Variants in CDK5RAP1 observed in about 807,000 individuals in gnomAD.
CDK5RAP1 encodes CDK5RAP1 mitochondrial tRNA methylthiotransferase, also known as mitochondrial tRNA methylthiotransferase CDK5RAP1.
A neutral mutation model predicts 64.5 loss-of-function variants in CDK5RAP1; 62 were observed. The ratio of observed to expected loss-of-function variants is 0.96; its 90% CI spans 0.78 to 1.19. CDK5RAP1 has a LOEUF of 1.19. CDK5RAP1 is among the 50% of genes most tolerant of loss of function. CDK5RAP1 has a pLI of 0.00. For missense variants in CDK5RAP1, 657 were observed against 735.0 expected (o/e 0.89, Z 1.23); for synonymous variants, 250 against 261.9 (o/e 0.95, Z 0.44).
At chr20:33,376,461 A>C (rs1986007198) in intron 8 of CDK5RAP1, among the ~76,000 whole-genome samples, 1 of 152,226 alleles carries the variant, frequency 6.6e-6, no homozygotes, top group African/African-American at 2.4e-5. Context: ...ATGAGCCACC[A>C]CTGAATATTT....
Position 33,366,566 on chromosome 20 carries a change from T to A in CDK5RAP1, c.1542+293A>T, listed in dbSNP as rs150411218. Among the ~76,000 whole-genome samples the A allele has an allele frequency of 6.1e-4, 92 of 152,006 alleles. 1 individual carries two copies. The highest frequency in any genetic ancestry group is 1.1e-3 in the Non-Finnish European group (77 of 67,956). ...AGCAGAGGTTGCAGTGGGCCGAGAC[T>A]GTGCCACTGCACTCCAGCCTGGTCA... On this transcript the variant is annotated intron_variant, in intron 12 of 13. Coordinates refer to ENST00000346416, the MANE Select transcript of CDK5RAP1 (RefSeq NM_016408.4).
chr20:33,379,489 G>A lies in CDK5RAP1; in HGVS notation c.1079C>T (p.Ser360Phe), dbSNP rs757218739. 1.2e-6 allele frequency: 2 copies of A among 1,613,604 alleles called. No homozygotes were observed. The highest frequency in any genetic ancestry group is 3.3e-5 in the Admixed American group (2 of 60,016). Reference protein sequence around the residue: ...VDPEMRIRFTSPHPKDFPDEV... With the variant: ...VDPEMRIRFTFPHPKDFPDEV... ...ATCAGGAAAATCCTTGGGGTGGGGAGAGGTAAAACGGATCCTCATTTCAGG... is the reference window on the plus strand; with the variant it reads ...ATCAGGAAAATCCTTGGGGTGGGGAAAGGTAAAACGGATCCTCATTTCAGG... The change falls in exon 8 of 14, where the codon TCT (serine) becomes TTT (phenylalanine). Residue 360 changes from serine to phenylalanine, a missense_variant. Physicochemically the swap from Ser to Phe is radical, Grantham distance 155. Coordinates refer to ENST00000346416, the MANE Select transcript of CDK5RAP1 (RefSeq NM_016408.4).
At chr20:33,373,745 A>T (rs895869379) in intron 9 of CDK5RAP1, 4 of 190,572 alleles carry the variant, frequency 2.1e-5, no homozygotes, top group Admixed American at 1.2e-4. Flanking sequence ...GTGCTTAATT[A>T]AAAAAAAACA....
intron 5 of CDK5RAP1, among the ~76,000 whole-genome samples, chr20:33,389,249 T>C (rs1319607316): frequency 6.9e-6 from 1 of 144,426 alleles, no homozygotes; most frequent in African/African-American, 2.6e-5. Context: ...CCCTCTGGGA[T>C]GTGAGGAGCG....
At chr20:33,385,490 G>C (rs1321225250) in intron 7 of CDK5RAP1, 160 bp downstream of exon 7, 2 of 710,886 alleles carry the variant, frequency 2.8e-6, no homozygotes. Flanking sequence ...TCTGTAATTT[G>C]TGGGCAATAA....
chr20:33,362,004 TCTCTGTGAC>T (rs1336028659), intron 12 of CDK5RAP1, among the ~76,000 whole-genome samples: 4 of 140,752 alleles, frequency 2.8e-5, no homozygotes, highest in Non-Finnish European at 6.2e-5. Flanking sequence ...GAGGGAACAA[TCTCTGTGAC>T]CTCTGGGACA....
At chr20:33,374,066 A>T in intron 9 of CDK5RAP1, 49 bp downstream of exon 9, 1 of 1,269,114 alleles carries the variant, frequency 7.9e-7, no homozygotes, top group Non-Finnish European at 1.2e-6. Flanking sequence ...TTTGGTCATT[A>T]AGGAAACATG....
chr20:33,374,405 C>T (rs747277559), intron 8 of CDK5RAP1, among the ~76,000 whole-genome samples, 193 bp from the exon 9 acceptor site: 5 of 152,118 alleles, frequency 3.3e-5, no homozygotes, highest in Admixed American at 6.5e-5. Flanking sequence ...GACACTTCAC[C>T]TGATGGCATC....
chr20:33,383,830 T>G (rs1987075177), intron 7 of CDK5RAP1, among the ~76,000 whole-genome samples: 1 of 115,904 alleles, frequency 8.6e-6, no homozygotes, highest in Non-Finnish European at 1.9e-5. Context: ...GAGAATCGCT[T>G]GAATCTGGGA....
At chr20:33,365,425 C>T (rs1983733317) in intron 12 of CDK5RAP1, among the ~76,000 whole-genome samples, 1 of 151,818 alleles carries the variant, frequency 6.6e-6, no homozygotes, top group African/African-American at 2.4e-5. Context: ...GTGTGCACCA[C>T]CATACCCAAC....
At chr20:33,381,214 C>G (rs1053571601) in intron 7 of CDK5RAP1, among the ~76,000 whole-genome samples, 3 of 83,942 alleles carry the variant, frequency 3.6e-5, no homozygotes, top group African/African-American at 1.3e-4. Context: ...ACACATATGA[C>G]TACATTTTTT....
At chr20:33,365,597 T>TA (rs11471267) in intron 12 of CDK5RAP1, among the ~76,000 whole-genome samples, 1,348 of 78,352 alleles carry the variant, frequency 0.017, 48 homozygotes, top group African/African-American at 0.054. Flanking sequence ...CTCTATAATG[T>TA]AAAAAAAAAA....
chr20:33,376,002 C>T (rs541049718), intron 8 of CDK5RAP1, among the ~76,000 whole-genome samples: 1 of 152,168 alleles, frequency 6.6e-6, no homozygotes, highest in African/African-American at 2.4e-5. Flanking sequence ...CGACTACAGG[C>T]ATGTGCCACC....
rs935675199 is a variant in CDK5RAP1 at position 33,361,425 on chromosome 20, A to G, written c.1543-934T>C. On this transcript the variant is annotated intron_variant, in intron 12 of 13. Transcript: ENST00000346416. ...GAACACTAACACTTGCATGTGTAGC[A>G]TAAAACTCCATGAAGTCAGGCAAAG... is the stretch of plus-strand genomic sequence containing the variant. Among the ~76,000 whole-genome samples the G allele has an allele frequency of 2.6e-5, 4 of 152,226 alleles. No homozygotes were observed. The East Asian group carries it at 7.7e-4, about 29-fold the overall frequency.
At chr20:33,363,544 TA>T (rs943437171) in intron 12 of CDK5RAP1, among the ~76,000 whole-genome samples, 14 of 152,180 alleles carry the variant, frequency 9.2e-5, no homozygotes, top group African/African-American at 3.4e-4. Flanking sequence ...AAGTTCTTTA[TA>T]ATACACTTGG....
Position 33,359,057 on chromosome 20 carries a change from A to G in CDK5RAP1, c.1750T>C (p.Ser584Pro). The change falls in exon 14 of 14, where the codon TCT (serine) becomes CCT (proline). Residue 584 changes from serine (S) to proline (P), a missense_variant. Physicochemically the swap from Ser to Pro is moderately conservative, Grantham distance 74. Coordinates refer to ENST00000346416, the MANE Select transcript of CDK5RAP1 (RefSeq NM_016408.4). Reference sequence around the variant, plus strand: ...ATCCTCTCAGGTCAGCAATATGCAGAAGAGTCCCTCAGAGTGGTCCTGCAG... The same window carrying G: ...ATCCTCTCAGGTCAGCAATATGCAGGAGAGTCCCTCAGAGTGGTCCTGCAG... ...VLCRTTLRDS[S>P]AYC The G allele has an allele frequency of 1.2e-6, 2 of 1,613,064 alleles. No individual in the cohort carries two copies. The highest frequency in any genetic ancestry group is 1.7e-6 in the Non-Finnish European group (2 of 1,179,046).
At chr20:33,384,783 T>A (rs190367354) in intron 7 of CDK5RAP1, among the ~76,000 whole-genome samples, 4 of 152,322 alleles carry the variant, frequency 2.6e-5, no homozygotes, top group Admixed American at 2.6e-4. Flanking sequence ...CTACCTGTAG[T>A]CCCAGCTACT....
At chr20:33,370,688 C>T in intron 10 of CDK5RAP1, 59 bp from the exon 11 acceptor site, 1 of 1,589,156 alleles carries the variant, frequency 6.3e-7, no homozygotes. Flanking sequence ...CAAGGGAGGC[C>T]TTCAGCATAT....
intron 4 of CDK5RAP1, among the ~76,000 whole-genome samples, chr20:33,393,120 T>C (rs1251064422): frequency 1.3e-5 from 2 of 152,126 alleles, no homozygotes; most frequent in Non-Finnish European, 2.9e-5. Context: ...CCTCATGATA[T>C]GCCCACTCTG....
Sources: gnomAD v4.1 joint callset for allele counts (sites outside exome capture counted in the v4.1 genomes callset) on GRCh38, gnomAD v4.1.1 for gene constraint, MANE v1.5 for transcripts, NCBI Gene and HGNC (gene_info 2026-07-23, HGNC 2026-07-21) for gene names.